CAMKMT: variants seen among roughly 807,000 people sequenced by gnomAD.
CAMKMT encodes the protein calmodulin-lysine N-methyltransferase, also known as CaM KMT.
A neutral mutation model predicts 48.0 loss-of-function variants in CAMKMT; 53 were observed. The ratio of observed to expected loss-of-function variants is 1.10; its 90% confidence interval spans 0.89 to 1.39. CAMKMT has a LOEUF of 1.39. CAMKMT is among the 40% of genes most tolerant of loss of function. The probability of loss-of-function intolerance (pLI) is 0.00; values close to 1 mark genes in which losing one functional copy is unlikely to be tolerated. For missense variants in CAMKMT, 428 were observed against 402.7 expected (o/e 1.06, Z -0.54); for synonymous variants, 165 against 152.3 (o/e 1.08, Z -0.61).
At chr2:44,680,971 C>A (rs528823041) in intron 3 of CAMKMT, among the ~76,000 whole-genome samples, 174 of 152,286 alleles carry the variant, frequency 1.1e-3, no homozygotes, top group African/African-American at 3.9e-3. Flanking sequence ...CCTTTAACTT[C>A]TTGTCTTGTG....
chr2:44,480,939 T>A (rs2104681842), intron 3 of CAMKMT, among the ~76,000 whole-genome samples: 1 of 152,168 alleles, frequency 6.6e-6, no homozygotes, highest in South Asian at 2.1e-4. Context: ...GGTTTTAGGG[T>A]TGTAGAACAT....
chr2:44,572,543 A>G (rs529523261), intron 3 of CAMKMT, among the ~76,000 whole-genome samples: 3 of 152,338 alleles, frequency 2.0e-5, no homozygotes, highest in African/African-American at 4.8e-5. Context: ...ATTGATGGAC[A>G]TTTAGGTTAT....
At chr2:44,636,804 C>T (rs1230053018) in intron 3 of CAMKMT, among the ~76,000 whole-genome samples, 3 of 152,086 alleles carry the variant, frequency 2.0e-5, no homozygotes, top group African/African-American at 7.2e-5. Context: ...AGGTAGGAGA[C>T]GGTTCGGTTT....
At position 44,404,341 on chromosome 2, in the gene CAMKMT, G is replaced by A. The variant is rs72877205; in HGVS notation, c.376+14036G>A. Among the ~76,000 whole-genome samples, 794 of 152,150 alleles carry A rather than the reference G, an allele frequency of 5.2e-3. 7 individuals carry two copies. The highest frequency in any genetic ancestry group is 0.017 in the African/African-American group (701 of 41,524). ...TCATATTAGTATCATTTTTGCATAT[G>A]TGTGTACATATGTATGCATTTTCCA... On this transcript the variant is annotated intron_variant, in intron 3 of 10. Coordinates refer to ENST00000378494, the MANE Select transcript of CAMKMT (RefSeq NM_024766.5).
At chr2:44,399,791 T>A (rs1319621929) in intron 3 of CAMKMT, among the ~76,000 whole-genome samples, 1 of 152,146 alleles carries the variant, frequency 6.6e-6, no homozygotes. Context: ...GTAGGTAGAC[T>A]GGAAGAAGAA....
chr2:44,759,820 G>T (rs1231867181), intron 9 of CAMKMT, among the ~76,000 whole-genome samples: 3 of 152,190 alleles, frequency 2.0e-5, no homozygotes, highest in African/African-American at 7.2e-5. Context: ...CAAGACATGA[G>T]GTAGAATCTC....
chr2:44,736,005 A>G (rs1414999887), intron 7 of CAMKMT, among the ~76,000 whole-genome samples: 2 of 152,192 alleles, frequency 1.3e-5, no homozygotes, highest in Non-Finnish European at 2.9e-5. Flanking sequence ...CCTACTTTTT[A>G]TCTATACATA....
intron 3 of CAMKMT, among the ~76,000 whole-genome samples, chr2:44,499,415 T>G (rs1669905276): frequency 6.6e-6 from 1 of 152,230 alleles, no homozygotes; most frequent in African/African-American, 2.4e-5. Context: ...AAGCTTTGAA[T>G]ATAGTCAGGC....
intron 3 of CAMKMT, among the ~76,000 whole-genome samples, chr2:44,694,301 C>T (rs750025908): frequency 5.3e-5 from 8 of 152,084 alleles, no homozygotes; most frequent in Middle Eastern, 3.2e-3. Flanking sequence ...AGGCCAGGTG[C>T]GGTGGCTCAT....
chr2:44,605,099 T>G (rs925994098), intron 3 of CAMKMT, among the ~76,000 whole-genome samples: 2 of 152,202 alleles, frequency 1.3e-5, no homozygotes, highest in African/African-American at 2.4e-5. Context: ...AATTCTGTTC[T>G]CTTCTCCTTT....
At chr2:44,648,487 G>A (rs1673876933) in intron 3 of CAMKMT, among the ~76,000 whole-genome samples, 1 of 152,122 alleles carries the variant, frequency 6.6e-6, no homozygotes, top group African/African-American at 2.4e-5. Flanking sequence ...ACATTTGAAG[G>A]GCCGTCATTG....
At chr2:44,644,820 A>G (rs1312370675) in intron 3 of CAMKMT, among the ~76,000 whole-genome samples, 1 of 152,134 alleles carries the variant, frequency 6.6e-6, no homozygotes, top group Non-Finnish European at 1.5e-5. Context: ...GAACAACTTT[A>G]TATTGAGCTT....
At chr2:44,710,358 G>T (rs920704057) in intron 6 of CAMKMT, among the ~76,000 whole-genome samples, 1 of 152,146 alleles carries the variant, frequency 6.6e-6, no homozygotes, top group African/African-American at 2.4e-5. Flanking sequence ...TGTCTGGAAA[G>T]ATATTAAGAC....
chr2:44,450,028 G>C (rs1413630744), intron 3 of CAMKMT, among the ~76,000 whole-genome samples: 1 of 152,060 alleles, frequency 6.6e-6, no homozygotes, highest in African/African-American at 2.4e-5. Flanking sequence ...ACTTGAGATG[G>C]GTCAGCTTTA....
intron 3 of CAMKMT, among the ~76,000 whole-genome samples, chr2:44,644,160 T>C (rs1447041275): frequency 6.6e-6 from 1 of 152,254 alleles, no homozygotes; most frequent in East Asian, 1.9e-4. Flanking sequence ...GAATCCAGTC[T>C]TGAGCTGTCA....
At chr2:44,595,708 A>G in intron 3 of CAMKMT, among the ~76,000 whole-genome samples, 1 of 152,228 alleles carries the variant, frequency 6.6e-6, no homozygotes, top group Non-Finnish European at 1.5e-5. Flanking sequence ...GGCACTGTTC[A>G]CAATAGCAAA....
chr2:44,561,384 T>C (rs537697787), intron 3 of CAMKMT, among the ~76,000 whole-genome samples: 8 of 152,224 alleles, frequency 5.3e-5, no homozygotes, highest in Non-Finnish European at 1.0e-4. Context: ...CTCCACTTTT[T>C]CTTTCCTTCT....
chr2:44,416,801 C>G (rs969982461), intron 3 of CAMKMT, among the ~76,000 whole-genome samples: 6 of 151,952 alleles, frequency 3.9e-5, no homozygotes, highest in African/African-American at 1.2e-4. Flanking sequence ...TCTCTAACTC[C>G]TAACCTCAGG....
intron 2 of CAMKMT, among the ~76,000 whole-genome samples, chr2:44,375,992 T>C (rs574864153): frequency 1.3e-5 from 2 of 152,048 alleles, no homozygotes; most frequent in Admixed American, 1.3e-4. Flanking sequence ...TTCACCATGT[T>C]GGGCAGGCTG....
Sources: allele counts gnomAD v4.1 joint callset (sites outside exome capture counted in the v4.1 genomes callset), GRCh38; gene constraint gnomAD v4.1.1; transcripts MANE v1.5; gene names NCBI Gene and HGNC (gene_info 2026-07-23, HGNC 2026-07-21).